PARD3B: variants seen among roughly 807,000 people sequenced by gnomAD.
PARD3B encodes the protein partitioning defective 3 homolog B.
In PARD3B, 103 loss-of-function variants were observed where a neutral mutation model predicts 130.2. The ratio of observed to expected loss-of-function variants is 0.79; its 90% confidence interval spans 0.67 to 0.93. The LOEUF is 0.93. PARD3B is among the 40% of genes least tolerant of loss of function. PARD3B has a pLI of 0.00. For synonymous variants in PARD3B, 583 were observed against 553.2 expected (o/e 1.05, Z -0.76); for missense variants, 1,609 against 1,499.2 (o/e 1.07, Z -1.21).
chr2:205,176,459 TG>T lies in PARD3B; in HGVS notation c.1810del (p.Ala604HisfsTer14), dbSNP rs1281086325. ...ERPMEDPAEC[G>X]AFSKPCFENC... ...TTATCTCTTAGGATCCTGCAGAGTG[TG>T]GGGCATTTTCCAAGCCATGCTTTGA... On this transcript the variant is annotated frameshift_variant, in exon 13 of 23. Coordinates refer to ENST00000406610, the MANE Select transcript of PARD3B (RefSeq NM_001302769.2). LOFTEE classifies it high-confidence loss of function. The surrounding 1 kb of genome is among the most constrained non-coding windows in gnomAD (Gnocchi z 5.3). 5.0e-6 allele frequency: 8 copies of T among 1,609,098 alleles called. No homozygotes were observed. Among genetic ancestry groups the T allele is most frequent in the African/African-American group, 2.7e-5 (2 of 74,560 alleles).
At chr2:205,442,076 A>G (rs1270408631) in intron 20 of PARD3B, among the ~76,000 whole-genome samples, 1 of 152,094 alleles carries the variant, frequency 6.6e-6, no homozygotes, top group African/African-American at 2.4e-5. Context: ...TACCTTCCCT[A>G]AATTAGATAG....
At chr2:205,485,789 T>C (rs572971972) in intron 20 of PARD3B, among the ~76,000 whole-genome samples, 1 of 152,254 alleles carries the variant, frequency 6.6e-6, no homozygotes, top group African/African-American at 2.4e-5. Context: ...CCATTTCAAG[T>C]GGTGTTCCTT....
chr2:205,262,677 T>G (rs1317242147), intron 16 of PARD3B, among the ~76,000 whole-genome samples: 1 of 152,100 alleles, frequency 6.6e-6, no homozygotes, highest in Admixed American at 6.6e-5. Context: ...TGAGTTAAGA[T>G]GCATTCAGTG....
At chr2:205,588,961 T>C (rs1213206505) in intron 22 of PARD3B, among the ~76,000 whole-genome samples, 1 of 152,146 alleles carries the variant, frequency 6.6e-6, no homozygotes, top group Non-Finnish European at 1.5e-5. Flanking sequence ...CGAATTTCCA[T>C]GTTCTTGGGC....
intron 1 of PARD3B, among the ~76,000 whole-genome samples, chr2:204,672,304 G>T (rs1019946625): frequency 1.3e-5 from 2 of 152,184 alleles, no homozygotes; most frequent in African/African-American, 4.8e-5. Context: ...ATGAAAATTT[G>T]TATTGTCTGC....
chr2:204,956,292 A>T (rs893477269), intron 2 of PARD3B, among the ~76,000 whole-genome samples: 5 of 152,322 alleles, frequency 3.3e-5, no homozygotes, highest in South Asian at 4.1e-4. Flanking sequence ...AGAGAGAAGA[A>T]GTTGTAGGGA....
chr2:205,254,952 C>T (rs1361209725), intron 16 of PARD3B, among the ~76,000 whole-genome samples: 3 of 152,012 alleles, frequency 2.0e-5, no homozygotes, highest in Non-Finnish European at 2.9e-5. Flanking sequence ...GTGTGAGCCA[C>T]CGCGCCCGGC....
chr2:204,825,248 C>T (rs993458180), intron 2 of PARD3B, among the ~76,000 whole-genome samples: 1 of 152,152 alleles, frequency 6.6e-6, no homozygotes, highest in African/African-American at 2.4e-5. Context: ...TCTGAAGGAA[C>T]CTGGGCCATT....
chr2:205,466,856 G>A (rs554950032), intron 20 of PARD3B, among the ~76,000 whole-genome samples: 32 of 152,274 alleles, frequency 2.1e-4, no homozygotes, highest in African/African-American at 7.5e-4. Context: ...GGGATTCCAG[G>A]CACCCACCAC....
chr2:204,685,916 T>C (rs2037054624), intron 1 of PARD3B, among the ~76,000 whole-genome samples: 1 of 152,194 alleles, frequency 6.6e-6, no homozygotes, highest in Non-Finnish European at 1.5e-5. Flanking sequence ...TGAGTATGTT[T>C]TTCAAACAGT....
At chr2:205,535,608 A>C (rs898168349) in intron 21 of PARD3B, among the ~76,000 whole-genome samples, 1 of 152,242 alleles carries the variant, frequency 6.6e-6, no homozygotes. Flanking sequence ...TTTAAATCAC[A>C]GTATTTAAAT....
At chr2:204,862,785 A>G (rs6755344) in intron 2 of PARD3B, among the ~76,000 whole-genome samples, 18,073 of 152,238 alleles carry the variant, frequency 0.12, 1,426 homozygotes, top group African/African-American at 0.22. Flanking sequence ...TCACACGACC[A>G]GGAAAGATTA....
chr2:205,106,117 A>C (rs1703190619), intron 5 of PARD3B, among the ~76,000 whole-genome samples: 1 of 151,622 alleles, frequency 6.6e-6, no homozygotes. Context: ...ATAGGAACTT[A>C]AAAATATATA....
chr2:205,429,465 G>A (rs1489555470), intron 19 of PARD3B, among the ~76,000 whole-genome samples: 1 of 152,056 alleles, frequency 6.6e-6, no homozygotes. Context: ...AACCCCTAAT[G>A]AAATAATTAA....
intron 21 of PARD3B, among the ~76,000 whole-genome samples, chr2:205,510,460 A>G (rs565962769): frequency 3.7e-4 from 56 of 152,310 alleles, no homozygotes; most frequent in African/African-American, 1.2e-3. Context: ...TGAGATGCCC[A>G]GGGTCACTTC....
Position 205,550,957 on chromosome 2 carries a change from A to G in PARD3B, c.3181-2367A>G, listed in dbSNP as rs113941937. On this transcript the variant is annotated intron_variant, in intron 21 of 22. Coordinates refer to ENST00000406610, the MANE Select transcript of PARD3B (RefSeq NM_001302769.2). The surrounding 1 kb of genome is among the most constrained non-coding windows in gnomAD (Gnocchi z 4.5). ...TGTGTGTGTGTATATATATATGTGT[A>G]TATATATATATATATATATACACAC... Among the ~76,000 whole-genome samples, 45,670 of 83,896 alleles carry G rather than the reference A, an allele frequency of 0.54. 9,590 individuals carry two copies. Among genetic ancestry groups the G allele is most frequent in the Admixed American group, 0.64 (6,160 of 9,626 alleles). 55.0% of individuals were successfully genotyped at this position (83,896 alleles called of 152,430 possible). A position where few individuals can be genotyped will look rare whatever the true frequency, so the allele number is the denominator to read the frequency against.
intron 22 of PARD3B, among the ~76,000 whole-genome samples, chr2:205,595,229 TG>T (rs2054525890): frequency 6.6e-6 from 1 of 152,154 alleles, no homozygotes; most frequent in South Asian, 2.1e-4. Flanking sequence ...CTGAAAACTG[TG>T]GGAGCACCTG....
chr2:205,469,899 G>A (rs985513569), intron 20 of PARD3B, among the ~76,000 whole-genome samples: 1 of 152,170 alleles, frequency 6.6e-6, no homozygotes, highest in African/African-American at 2.4e-5. Flanking sequence ...TGCTGACTAC[G>A]CATCCACGAG....
intron 4 of PARD3B, among the ~76,000 whole-genome samples, chr2:205,060,818 C>A (rs1258919932): frequency 6.6e-6 from 1 of 152,040 alleles, no homozygotes; most frequent in African/African-American, 2.4e-5. Context: ...TTTTTAGCTT[C>A]TCAACTAACG....
Sources: gnomAD v4.1 joint callset for allele counts (sites outside exome capture counted in the v4.1 genomes callset) on GRCh38, gnomAD v4.1.1 for gene constraint, Gnocchi (gnomAD v3.1) non-coding constraint, MANE v1.5 for transcripts, NCBI Gene and HGNC (gene_info 2026-07-23, HGNC 2026-07-21) for gene names.